TAAR1: variants seen among roughly 807,000 people sequenced by gnomAD.
TAAR1 encodes trace amine associated receptor 1, also known as trace amine-associated receptor 1.
In TAAR1, 1 loss-of-function variant was observed where a neutral mutation model predicts 1.2. That is an observed-to-expected ratio of 0.81 (90% CI 0.29 to 3.86). The LOEUF is 3.86. Among genes scored for constraint, TAAR1 ranks in the 30% most tolerant of loss-of-function variants. The probability of loss-of-function intolerance (pLI) is 0.18; values close to 1 mark genes in which losing one functional copy is unlikely to be tolerated. For missense variants in TAAR1, 445 were observed against 405.6 expected (o/e 1.10, Z -0.83); for synonymous variants, 153 against 132.2 (o/e 1.16, Z -1.08).
At chr6:132,649,478 C>A (rs1157702456) in intron 1 of TAAR1, among the ~76,000 whole-genome samples, 3 of 152,078 alleles carry the variant, frequency 2.0e-5, no homozygotes, top group Non-Finnish European at 4.4e-5. Flanking sequence ...TCATGCTATA[C>A]CTCTGTATTA....
At position 132,645,494 on chromosome 6, in the gene TAAR1, C is replaced by G. The variant is rs1777655850; in HGVS notation, c.510G>C (p.Glu170Asp). ...FLELNFKGAE[E>D]IYYKHVHCRG... ...TGCAGTGAACATGTTTGTAATATAT[C>G]TCTTCAGCGCCTTTGAAGTTTAGCT... Residue 170 changes from glutamate to aspartate, a missense_variant, in exon 2 of 2, where the codon GAG (glutamate) becomes GAC (aspartate). Physicochemically the swap from Glu to Asp is conservative, Grantham distance 45. Coordinates refer to ENST00000275216, the MANE Select transcript of TAAR1 (RefSeq NM_138327.4). 3 of 1,613,762 alleles carry G rather than the reference C, an allele frequency of 1.9e-6. No homozygotes were observed. The highest frequency in any genetic ancestry group is 1.7e-6 in the Non-Finnish European group (2 of 1,179,836).
chr6:132,658,436 T>G (rs1777833348), intron 1 of TAAR1, among the ~76,000 whole-genome samples: 1 of 152,164 alleles, frequency 6.6e-6, no homozygotes, highest in South Asian at 2.1e-4. Flanking sequence ...TATTTTGACA[T>G]GCATAAAGTA....
At position 132,651,898 on chromosome 6, in the gene TAAR1, C is replaced by T. The variant is rs1777754000; in HGVS notation, c.-126-5769G>A. ...TGCGCCCCTATCAGGCCAAAGAAAC[C>T]TGCATGGTGACATGCTGCATCTGTG... is the stretch of plus-strand genomic sequence containing the variant. On this transcript the variant is annotated intron_variant, in intron 1 of 1. Transcript: ENST00000275216. 2.6e-5 allele frequency among the ~76,000 whole-genome samples: 4 copies of T among 152,196 alleles called. No individual in the cohort carries two copies. In the South Asian group the frequency reaches 8.3e-4, roughly 32 times the overall value.
chr6:132,651,565 A>T (rs1028775814), intron 1 of TAAR1, among the ~76,000 whole-genome samples: 1 of 152,188 alleles, frequency 6.6e-6, no homozygotes, highest in Non-Finnish European at 1.5e-5. Context: ...ATTCATCAAT[A>T]AATGATCTTG....
chr6:132,645,284 TC>T lies in TAAR1; in HGVS notation c.719del (p.Gly240GlufsTer11). 2 of 1,613,708 alleles carry T rather than the reference TC, an allele frequency of 1.2e-6. No homozygotes were observed. The highest frequency in any genetic ancestry group is 1.7e-6 in the Non-Finnish European group (2 of 1,179,802). ...CTTTCCTTTCTTTGCTTTGTGAAAT[TC>T]CATTTTTCATTTCCAATCCAATTTG... ...KLQIGLEMKNGISQSKERKAV... is the reference protein window; with the variant it reads ...KLQIGLEMKNXISQSKERKAV... On this transcript the variant is annotated frameshift_variant, in exon 2 of 2. Transcript: ENST00000275216. LOFTEE classifies it low-confidence loss of function (END_TRUNC).
At chr6:132,656,948 A>G (rs906026134) in intron 1 of TAAR1, among the ~76,000 whole-genome samples, 1 of 152,204 alleles carries the variant, frequency 6.6e-6, no homozygotes, top group Non-Finnish European at 1.5e-5. Context: ...TAAAAATTAA[A>G]TCAAAACAAA....
At chr6:132,656,535 T>C (rs1346266708) in intron 1 of TAAR1, among the ~76,000 whole-genome samples, 3 of 152,066 alleles carry the variant, frequency 2.0e-5, no homozygotes, top group East Asian at 1.9e-4. Flanking sequence ...ATCTACAACA[T>C]GTACTGAGCA....
Position 132,643,635 on chromosome 6 carries a change from A to G in TAAR1, c.*1349T>C, listed in dbSNP as rs1305896529. Among the ~76,000 whole-genome samples the G allele has an allele frequency of 6.6e-6, 1 of 151,966 alleles. No homozygotes were observed. Among genetic ancestry groups the G allele is most frequent in the Non-Finnish European group, 1.5e-5 (1 of 67,906 alleles). ...TATACGCAGCAGTGTGCATTTAGTT[A>G]CGTTTAAAATCATTTGCCTTACCCT... is the stretch of plus-strand genomic sequence containing the variant. On this transcript the variant is annotated 3_prime_UTR_variant, in exon 2 of 2. Coordinates refer to ENST00000275216, the MANE Select transcript of TAAR1 (RefSeq NM_138327.4).
intron 1 of TAAR1, among the ~76,000 whole-genome samples, chr6:132,647,650 AAG>A (rs1271167017): frequency 6.7e-6 from 1 of 149,388 alleles, no homozygotes; most frequent in Non-Finnish European, 1.5e-5. Context: ...GAAAGAAAGA[AAG>A]AAAGAAAGAA....
intron 1 of TAAR1, among the ~76,000 whole-genome samples, chr6:132,647,602 GA>G (rs138569926): frequency 1.5e-4 from 18 of 121,366 alleles, no homozygotes; most frequent in African/African-American, 4.6e-4. Flanking sequence ...GAAAGAGAAA[GA>G]AAAAAGAAAG....
At chr6:132,658,065 C>A (rs1306170394) in intron 1 of TAAR1, among the ~76,000 whole-genome samples, 3 of 152,040 alleles carry the variant, frequency 2.0e-5, no homozygotes, top group Non-Finnish European at 4.4e-5. Flanking sequence ...CTGAACTGAA[C>A]TCATTTCCTG....
intron 1 of TAAR1, among the ~76,000 whole-genome samples, chr6:132,649,595 C>A (rs1471978972): frequency 6.6e-6 from 1 of 152,144 alleles, no homozygotes; most frequent in Non-Finnish European, 1.5e-5. Context: ...CCTCAGGAAA[C>A]TTACAGTCAT....
intron 1 of TAAR1, among the ~76,000 whole-genome samples, chr6:132,650,890 C>T (rs569007351): frequency 1.3e-5 from 2 of 152,256 alleles, no homozygotes; most frequent in African/African-American, 2.4e-5. Context: ...ATTATTGAAG[C>T]TCACATCTTC....
At chr6:132,657,896 A>G (rs1159392131) in intron 1 of TAAR1, among the ~76,000 whole-genome samples, 1 of 152,100 alleles carries the variant, frequency 6.6e-6, no homozygotes, top group African/African-American at 2.4e-5. Context: ...TTTTAATAAA[A>G]GTAAATGTAT....
At chr6:132,646,697 T>G (rs1236967684) in intron 1 of TAAR1, among the ~76,000 whole-genome samples, 1 of 152,168 alleles carries the variant, frequency 6.6e-6, no homozygotes, top group Non-Finnish European at 1.5e-5. Flanking sequence ...CCATGCATTA[T>G]TTCAGTTACA....
Position 132,644,173 on chromosome 6 carries a change from G to T in TAAR1, c.*811C>A, listed in dbSNP as rs1020554291. ...AAAAATATATTTGTACATCTGTGCA[G>T]TCACGTTATACAGCCACAAAAAGGG... On this transcript the variant is annotated 3_prime_UTR_variant, in exon 2 of 2. Transcript: ENST00000275216. 5.3e-5 allele frequency among the ~76,000 whole-genome samples: 8 copies of T among 151,904 alleles called. No homozygotes were observed. Among genetic ancestry groups the T allele is most frequent in the African/African-American group, 1.7e-4 (7 of 41,402 alleles).
Position 132,645,444 on chromosome 6 carries a change from C to A in TAAR1, c.560G>T (p.Ser187Ile). The change falls in exon 2 of 2, where the codon AGC (serine) becomes ATC (isoleucine). Residue 187 changes from serine to isoleucine, a missense_variant. Transcript: ENST00000275216. The part of the protein sequence containing the change: ...HCRGGCSVFF[S>I]KISGVLTFMT... ...AAAGGTCAGTACCCCAGATATTTTG[C>A]TAAAGAAGACAGAGCAACCTCCTCT... is the stretch of plus-strand genomic sequence containing the variant. 1 of 1,613,668 alleles carries A rather than the reference C, an allele frequency of 6.2e-7. No individual in the cohort carries two copies. Among genetic ancestry groups the A allele is most frequent in the Non-Finnish European group, 8.5e-7 (1 of 1,179,796 alleles).
At chr6:132,648,460 A>T (rs1285975609) in intron 1 of TAAR1, among the ~76,000 whole-genome samples, 1 of 152,050 alleles carries the variant, frequency 6.6e-6, no homozygotes, top group African/African-American at 2.4e-5. Context: ...CCATCTGGCA[A>T]ATTCATAGGC....
chr6:132,643,782 C>T lies in TAAR1; in HGVS notation c.*1202G>A, dbSNP rs1334994397. Among the ~76,000 whole-genome samples, 1 of 151,940 alleles carries T rather than the reference C, an allele frequency of 6.6e-6. No homozygotes were observed. The highest frequency in any genetic ancestry group is 6.6e-5 in the Admixed American group (1 of 15,220). ...GAATGCTTGTAATTTAGAATGTTTG[C>T]CCACTTCCTTTAGAGAATCTTATTT... On this transcript the variant is annotated 3_prime_UTR_variant, in exon 2 of 2. Coordinates refer to ENST00000275216, the MANE Select transcript of TAAR1 (RefSeq NM_138327.4).
Sources: allele counts gnomAD v4.1 joint callset (sites outside exome capture counted in the v4.1 genomes callset), GRCh38; gene constraint gnomAD v4.1.1; transcripts MANE v1.5; gene names NCBI Gene and HGNC (gene_info 2026-07-23, HGNC 2026-07-21).